The following PHF20L1 variants were observed in gnomAD, a reference collection of about 807,000 sequenced individuals.
The protein encoded by PHF20L1 is PHD finger protein 20 like 1.
Under a neutral mutation model 125.5 loss-of-function variants are expected in PHF20L1, and 44 were observed. The observed-to-expected ratio is 0.35, with a 90% CI of 0.28 to 0.45. The LOEUF (loss-of-function observed/expected upper bound fraction) is 0.45, where lower values mean the gene tolerates loss of function less well. Among genes scored for constraint, PHF20L1 ranks in the 20% least tolerant of loss-of-function variants. The pLI, the probability that PHF20L1 is intolerant of heterozygous loss-of-function variation, is 1.00. For missense variants in PHF20L1, 1,012 were observed against 1,217.2 expected (o/e 0.83, Z 2.51); for synonymous variants, 380 against 403.1 (o/e 0.94, Z 0.69).
chr8:132,783,803 A>G (rs771125042), intron 2 of PHF20L1, among the ~76,000 whole-genome samples: 7 of 152,214 alleles, frequency 4.6e-5, no homozygotes, highest in Non-Finnish European at 1.0e-4. Flanking sequence ...GTATGTATAC[A>G]TCAAAATAAA....
chr8:132,830,235 T>C (rs1259435630), intron 14 of PHF20L1, among the ~76,000 whole-genome samples: 1 of 151,988 alleles, frequency 6.6e-6, no homozygotes, highest in Non-Finnish European at 1.5e-5. Flanking sequence ...CTTTCTCATC[T>C]TGTTTCACTC....
chr8:132,812,077 T>G, intron 9 of PHF20L1: 3 of 981,174 alleles, frequency 3.1e-6, no homozygotes, highest in Non-Finnish European at 3.6e-6. Context: ...TCAATGGGTC[T>G]TTTAAATTGA....
chr8:132,815,444 G>A (rs1586970096), intron 10 of PHF20L1: 1 of 151,616 alleles, frequency 6.6e-6, no homozygotes, highest in South Asian at 2.1e-4. Flanking sequence ...CCTTTCACAT[G>A]GGTATATCTA....
rs146610164 is a variant in PHF20L1, at chr8:132,798,630, T to C, written c.341-142T>C. On this transcript the variant is annotated intron_variant, in intron 4 of 20. Coordinates refer to ENST00000395386, the MANE Select transcript of PHF20L1 (RefSeq NM_016018.5). Reference sequence around the variant, plus strand: ...TTTTAGAGGGAGGGAGAAAGTAAACTTGATGGAGTCCTTAACAGGAGCATT... The same window carrying C: ...TTTTAGAGGGAGGGAGAAAGTAAACCTGATGGAGTCCTTAACAGGAGCATT... 545 of 486,408 alleles carry C rather than the reference T, an allele frequency of 1.1e-3. 10 individuals carry two copies. In the East Asian group the frequency reaches 0.017, roughly 16 times the overall value. The allele number at this position is 486,408 out of a possible 1,614,324, so 30.1% of individuals were successfully genotyped here.
intron 1 of PHF20L1, among the ~76,000 whole-genome samples, chr8:132,777,337 T>C (rs945310081): frequency 1.3e-5 from 2 of 152,164 alleles, no homozygotes; most frequent in East Asian, 1.9e-4. Context: ...TTTTGTATTA[T>C]GAGGCACTCA....
chr8:132,820,160 A>G, intron 12 of PHF20L1, among the ~76,000 whole-genome samples: 1 of 151,870 alleles, frequency 6.6e-6, no homozygotes, highest in South Asian at 2.1e-4. Flanking sequence ...AGTAATTGGT[A>G]TCTTTGTAAA....
At chr8:132,780,844 CTTTTTT>C (rs199806400) in intron 2 of PHF20L1, among the ~76,000 whole-genome samples, 1 of 129,674 alleles carries the variant, frequency 7.7e-6, no homozygotes, top group African/African-American at 2.8e-5. Context: ...GTTTTTCTTG[CTTTTTT>C]TTTTTTTTTT....
rs777527195 is a variant in PHF20L1, at chr8:132,817,464, G to A, written c.1498G>A (p.Ala500Thr). The A allele has an allele frequency of 6.2e-7, 1 of 1,612,416 alleles. No homozygotes were observed. The highest frequency in any genetic ancestry group is 1.1e-5 in the South Asian group (1 of 91,052). Reference protein sequence around the residue: ...DSSYRNECPRAEKEDTQMLPN... With the variant: ...DSSYRNECPRTEKEDTQMLPN... ...CTCTTACCGTAATGAATGTCCCAGG[G>A]CAGAAAAAGAGGATACACAGATGCT... The change falls in exon 12 of 21, where the codon GCA (alanine) becomes ACA (threonine). Residue 500 changes from alanine to threonine, a missense_variant. Ala to Thr is a moderately conservative substitution (Grantham distance 58). Coordinates refer to ENST00000395386, the MANE Select transcript of PHF20L1 (RefSeq NM_016018.5).
chr8:132,826,361 G>A (rs952228637), intron 14 of PHF20L1: 2 of 152,092 alleles, frequency 1.3e-5, no homozygotes, highest in African/African-American at 4.8e-5. Flanking sequence ...TGGGGACCAG[G>A]GAGTAAGGTG....
At chr8:132,817,604 T>A in intron 12 of PHF20L1, 59 bp downstream of exon 12, 4 of 1,190,992 alleles carry the variant, frequency 3.4e-6, no homozygotes, top group Non-Finnish European at 4.8e-6. Context: ...TTGCAGTTAT[T>A]AGGTATAAAC....
rs1037311508 is a variant in PHF20L1 at position 132,848,078 on chromosome 8, T to TCTTC, written c.*2155_*2156insCTTC. Reference sequence around the variant, plus strand: ...TCTTGTCACACACACAGAAGACCCTTTGTACCTAGTAACATTCATCCTCTT... The same window carrying TCTTC: ...TCTTGTCACACACACAGAAGACCCTTCTTCTGTACCTAGTAACATTCATCCTCTT... On this transcript the variant is annotated 3_prime_UTR_variant, in exon 21 of 21. Transcript: ENST00000395386. 6.6e-6 allele frequency: 1 copy of TCTTC among 152,064 alleles called. No individual in the cohort carries two copies. The allele number at this position is 152,064 out of a possible 1,614,324, so 9.4% of individuals were successfully genotyped here.
chr8:132,801,298 T>C (rs1445350680), intron 6 of PHF20L1, among the ~76,000 whole-genome samples: 1 of 151,736 alleles, frequency 6.6e-6, no homozygotes, highest in Non-Finnish European at 1.5e-5. Flanking sequence ...TTTGTGTGCC[T>C]TGTTTCGTTG....
At chr8:132,779,939 A>T (rs1007344991) in intron 2 of PHF20L1, among the ~76,000 whole-genome samples, 6 of 152,206 alleles carry the variant, frequency 3.9e-5, no homozygotes, top group Non-Finnish European at 7.4e-5. Context: ...TTTAATTTTA[A>T]TGACCCTGGT....
At position 132,816,909 on chromosome 8, in the gene PHF20L1, C is replaced by T. The variant is rs1430555095; in HGVS notation, c.1205C>T (p.Pro402Leu). The change falls in exon 11 of 21, where the codon CCC (proline) becomes CTC (leucine). Residue 402 changes from proline (P) to leucine (L), a missense_variant. Pro to Leu is a moderately conservative substitution (Grantham distance 98, BLOSUM62 -3). This residue lies in a region of PHF20L1 where 119 missense variants were observed against 160.2 expected (regional missense o/e 0.74). Coordinates refer to ENST00000395386, the MANE Select transcript of PHF20L1 (RefSeq NM_016018.5). ...CTAGGTCCTCCACAGCCTGTGAATC[C>T]CCCTAGACCTTTCAAGCATAGTGAG... ...NKTSPPQPVNPPRPFKHSERR... is the reference protein window; with the variant it reads ...NKTSPPQPVNLPRPFKHSERR... 4 of 1,611,560 alleles carry T rather than the reference C, an allele frequency of 2.5e-6. No individual in the cohort carries two copies. In the African/African-American group the frequency reaches 5.4e-5, roughly 22 times the overall value.
At chr8:132,801,611 G>A (rs1195677386) in intron 6 of PHF20L1, among the ~76,000 whole-genome samples, 1 of 151,724 alleles carries the variant, frequency 6.6e-6, no homozygotes, top group East Asian at 1.9e-4. Context: ...TGATAGCAGA[G>A]TAGAGTGACT....
intron 6 of PHF20L1, among the ~76,000 whole-genome samples, chr8:132,801,326 C>G (rs971604452): frequency 6.6e-6 from 1 of 151,616 alleles, no homozygotes; most frequent in African/African-American, 2.4e-5. Context: ...ATAGTAGATC[C>G]TTTGACATAG....
chr8:132,782,116 A>G (rs1830497952), intron 2 of PHF20L1, among the ~76,000 whole-genome samples: 1 of 152,208 alleles, frequency 6.6e-6, no homozygotes, highest in Admixed American at 6.5e-5. Flanking sequence ...ATTCAGTTTT[A>G]TAATCTCTGG....
At position 132,835,120 on chromosome 8, in the gene PHF20L1, TG is replaced by T. The variant is rs1837202866; in HGVS notation, c.1910-1419del. Among the ~76,000 whole-genome samples, 3 of 152,162 alleles carry T rather than the reference TG, an allele frequency of 2.0e-5. No homozygotes were observed. The South Asian group carries it at 6.2e-4, about 31-fold the overall frequency. On this transcript the variant is annotated intron_variant, in intron 15 of 20. Coordinates refer to ENST00000395386, the MANE Select transcript of PHF20L1 (RefSeq NM_016018.5). ...GTCTGAAAAGAAAATATTCTCTCTC[TG>T]ACTCTCTCCTTAGTTCTTCTACAAA...
chr8:132,793,455 G>C lies in PHF20L1; in HGVS notation c.84-955G>C, dbSNP rs556936653. Among the ~76,000 whole-genome samples the C allele has an allele frequency of 7.2e-5, 11 of 152,252 alleles. No homozygotes were observed. The South Asian group carries it at 2.3e-3, about 32-fold the overall frequency. ...CCATTGTACTTTATATTTAAAGCTA[G>C]TTTTTCACGGGGAAAACAAAGATTC... is the stretch of plus-strand genomic sequence containing the variant. On this transcript the variant is annotated intron_variant, in intron 2 of 20. Transcript: ENST00000395386.
Sources: gnomAD v4.1 joint callset for allele counts (sites outside exome capture counted in the v4.1 genomes callset) on GRCh38, gnomAD v4.1.1 for gene constraint, gnomAD v4.1.1 regional missense constraint, MANE v1.5 for transcripts, NCBI Gene and HGNC (gene_info 2026-07-23, HGNC 2026-07-21) for gene names.